Variants in CACHD1 observed in about 807,000 individuals in gnomAD.
The protein encoded by CACHD1 is VWFA and cache domain-containing protein 1.
Under a neutral mutation model 138.7 loss-of-function variants are expected in CACHD1, and 71 were observed. The observed-to-expected ratio is 0.51, with a 90% CI of 0.42 to 0.62. The LOEUF (loss-of-function observed/expected upper bound fraction) is 0.62, where lower values mean the gene tolerates loss of function less well. CACHD1 is among the 20% of genes least tolerant of loss of function. CACHD1 has a pLI of 0.00. For synonymous variants in CACHD1, 578 were observed against 591.5 expected (o/e 0.98, Z 0.33); for missense variants, 1,389 against 1,625.3 (o/e 0.85, Z 2.50).
intron 3 of CACHD1, among the ~76,000 whole-genome samples, chr1:64,587,863 T>C (rs1263417983): frequency 6.6e-6 from 1 of 152,220 alleles, no homozygotes; most frequent in Non-Finnish European, 1.5e-5. Flanking sequence ...CATATTTTTT[T>C]CGGCCCTCAG....
chr1:64,662,824 CTT>C (rs1649486692), intron 13 of CACHD1, among the ~76,000 whole-genome samples: 1 of 152,098 alleles, frequency 6.6e-6, no homozygotes, highest in Non-Finnish European at 1.5e-5. Flanking sequence ...TTTCTAGAAG[CTT>C]TTGTTTGTGT....
chr1:64,603,280 A>C (rs1467625295), intron 4 of CACHD1, among the ~76,000 whole-genome samples: 1 of 151,488 alleles, frequency 6.6e-6, no homozygotes, highest in African/African-American at 2.4e-5. Flanking sequence ...AATTTTTTGT[A>C]TTTTTAGTAG....
chr1:64,514,531 G>A (rs1646444989), intron 1 of CACHD1, among the ~76,000 whole-genome samples: 1 of 152,160 alleles, frequency 6.6e-6, no homozygotes, highest in Non-Finnish European at 1.5e-5. Context: ...TTGAAAAACT[G>A]AACTGGGCAG....
At chr1:64,587,506 C>G (rs1015775500) in intron 3 of CACHD1, among the ~76,000 whole-genome samples, 2 of 152,150 alleles carry the variant, frequency 1.3e-5, no homozygotes, top group Non-Finnish European at 2.9e-5. Flanking sequence ...CCAGTCAACT[C>G]TTAAAATTCT....
At chr1:64,569,381 G>A (rs1646908734) in intron 2 of CACHD1, among the ~76,000 whole-genome samples, 1 of 152,090 alleles carries the variant, frequency 6.6e-6, no homozygotes, top group African/African-American at 2.4e-5. Flanking sequence ...TTTAAGTCTT[G>A]GAAATTCTGG....
chr1:64,646,496 G>A (rs1337954525), intron 8 of CACHD1, among the ~76,000 whole-genome samples: 1 of 152,028 alleles, frequency 6.6e-6, no homozygotes, highest in Non-Finnish European at 1.5e-5. Flanking sequence ...TGGGAGACAA[G>A]GTGGGCAGAT....
chr1:64,486,123 G>A (rs1233834990), intron 1 of CACHD1, among the ~76,000 whole-genome samples: 6 of 152,042 alleles, frequency 3.9e-5, no homozygotes, highest in Non-Finnish European at 7.4e-5. Flanking sequence ...CAATGATGCT[G>A]AGCATTTTTT....
At chr1:64,616,464 G>C (rs1475921711) in intron 4 of CACHD1, among the ~76,000 whole-genome samples, 1 of 152,196 alleles carries the variant, frequency 6.6e-6, no homozygotes, top group Non-Finnish European at 1.5e-5. Context: ...TGAGCTCTGA[G>C]CTGGGTCTTT....
chr1:64,580,654 A>G (rs1647004586), intron 2 of CACHD1, among the ~76,000 whole-genome samples: 1 of 152,214 alleles, frequency 6.6e-6, no homozygotes, highest in Admixed American at 6.5e-5. Context: ...TAAAAAAGCA[A>G]TCAATCGAGG....
At chr1:64,505,136 G>GT (rs1557465333) in intron 1 of CACHD1, among the ~76,000 whole-genome samples, 2 of 152,216 alleles carry the variant, frequency 1.3e-5, no homozygotes, top group South Asian at 2.1e-4. Flanking sequence ...AGGTATAGAG[G>GT]TAACTTTTTA....
intron 4 of CACHD1, among the ~76,000 whole-genome samples, chr1:64,611,347 T>A (rs532429597): frequency 1.3e-4 from 20 of 152,332 alleles, no homozygotes; most frequent in African/African-American, 4.6e-4. Context: ...TTCTACCACA[T>A]GGTCATGCTG....
At chr1:64,632,577 A>G (rs1648348477) in intron 5 of CACHD1, 22 bp from the exon 6 acceptor site, 1 of 1,613,146 alleles carries the variant, frequency 6.2e-7, no homozygotes, top group Non-Finnish European at 8.5e-7. Flanking sequence ...GACTGACCCC[A>G]GAGAGCTTCT....
intron 24 of CACHD1, among the ~76,000 whole-genome samples, chr1:64,680,815 C>T (rs1650149421): frequency 6.6e-6 from 1 of 152,176 alleles, no homozygotes; most frequent in African/African-American, 2.4e-5. Context: ...GATTTAGTAA[C>T]AGGGATAATC....
At chr1:64,478,637 A>G (rs576810703) in intron 1 of CACHD1, among the ~76,000 whole-genome samples, 7 of 152,326 alleles carry the variant, frequency 4.6e-5, no homozygotes, top group African/African-American at 1.7e-4. Flanking sequence ...CTATCCAGAG[A>G]GGCTAAACCA....
At chr1:64,658,394 T>C (rs1211963497) in intron 12 of CACHD1, among the ~76,000 whole-genome samples, 3 of 152,234 alleles carry the variant, frequency 2.0e-5, no homozygotes, top group Non-Finnish European at 4.4e-5. Flanking sequence ...TAGCTTGTGC[T>C]CATTAACCCA....
intron 2 of CACHD1, among the ~76,000 whole-genome samples, chr1:64,557,299 A>T (rs940737838): frequency 7.2e-5 from 11 of 152,306 alleles, no homozygotes; most frequent in African/African-American, 2.6e-4. Flanking sequence ...TTGGATCATT[A>T]AATGGATCAG....
Position 64,541,868 on chromosome 1 carries a change from A to C in CACHD1, c.199-8726A>C, listed in dbSNP as rs532512706. 2.6e-4 allele frequency among the ~76,000 whole-genome samples: 39 copies of C among 151,870 alleles called. No individual in the cohort carries two copies. The South Asian group carries it at 8.1e-3, about 32-fold the overall frequency. ...GAGTTGAGTCAGTAAATATCTAAACAGGTATTTTTGTTCCCCCCATACCTC... is the reference window on the plus strand; with the variant it reads ...GAGTTGAGTCAGTAAATATCTAAACCGGTATTTTTGTTCCCCCCATACCTC... On this transcript the variant is annotated intron_variant, in intron 1 of 26. Coordinates refer to ENST00000651257, the MANE Select transcript of CACHD1 (RefSeq NM_020925.4).
rs1649974831 is a variant in CACHD1 at position 64,675,996 on chromosome 1, A to T, written c.2975+13A>T. On this transcript the variant is annotated intron_variant, in intron 21 of 26. Coordinates refer to ENST00000651257, the MANE Select transcript of CACHD1 (RefSeq NM_020925.4). Reference sequence around the variant, plus strand: ...ATGCAGAGAACCGGTAAAATAATTAATAATAATAATAATAATAATAATAAT... The same window carrying T: ...ATGCAGAGAACCGGTAAAATAATTATTAATAATAATAATAATAATAATAAT... 1 of 20,400 alleles carries T rather than the reference A, an allele frequency of 4.9e-5. No homozygotes were observed. The highest frequency in any genetic ancestry group is 6.8e-5 in the Non-Finnish European group (1 of 14,730). The allele number at this position is 20,400 out of a possible 1,614,324, so 1.3% of individuals were successfully genotyped here.
At chr1:64,538,305 A>G (rs1338069553) in intron 1 of CACHD1, among the ~76,000 whole-genome samples, 1 of 152,236 alleles carries the variant, frequency 6.6e-6, no homozygotes, top group East Asian at 1.9e-4. Flanking sequence ...TCATCTTAAA[A>G]AATTCAGCGC....
Sources: allele counts gnomAD v4.1 joint callset (sites outside exome capture counted in the v4.1 genomes callset), GRCh38; gene constraint gnomAD v4.1.1; transcripts MANE v1.5; gene names NCBI Gene and HGNC (gene_info 2026-07-23, HGNC 2026-07-21).